CACNA1S: variants seen among roughly 807,000 people sequenced by gnomAD.
CACNA1S encodes calcium voltage-gated channel subunit alpha1 S, also known as voltage-dependent L-type calcium channel subunit alpha-1S.
A neutral mutation model predicts 207.4 loss-of-function variants in CACNA1S; 126 were observed. The observed-to-expected ratio is 0.61, with a 90% confidence interval of 0.53 to 0.70. The LOEUF (loss-of-function observed/expected upper bound fraction) is 0.70, where lower values mean the gene tolerates loss of function less well. CACNA1S is among the 30% of genes least tolerant of loss of function. CACNA1S has a pLI of 0.00. For synonymous variants in CACNA1S, 960 were observed against 932.7 expected (o/e 1.03, Z -0.53); for missense variants, 2,349 against 2,422.8 (o/e 0.97, Z 0.64).
intron 36 of CACNA1S, 28 bp from the exon 37 acceptor site, chr1:201,047,654 C>T (rs774922835): frequency 1.4e-6 from 2 of 1,467,662 alleles, no homozygotes; most frequent in Admixed American, 1.7e-5. Flanking sequence ...CAAAAGTTAC[C>T]CAGATCACAC....
chr1:201,076,084 C>A (rs913273191), intron 12 of CACNA1S, among the ~76,000 whole-genome samples: 3 of 152,102 alleles, frequency 2.0e-5, no homozygotes, highest in Non-Finnish European at 4.4e-5. Flanking sequence ...CAAAACAAAA[C>A]CCCTATCCCA....
chr1:201,086,709 C>CA (rs1340886197), intron 7 of CACNA1S, among the ~76,000 whole-genome samples: 2 of 152,150 alleles, frequency 1.3e-5, no homozygotes, highest in African/African-American at 4.8e-5. Flanking sequence ...GTTATCCATA[C>CA]AAAAAAATTG....
chr1:201,052,525 G>C lies in CACNA1S; in HGVS notation c.3953+32C>G, dbSNP rs756750200. ...AGAGCAAAGGCTGGACTGGTCAGCG[G>C]GGTAGGGGTGGGGGTGGCGGGAGAC... is the stretch of plus-strand genomic sequence containing the variant. On this transcript the variant is annotated intron_variant, in intron 32 of 43. Transcript: ENST00000362061. 4 of 1,536,026 alleles carry C rather than the reference G, an allele frequency of 2.6e-6. No homozygotes were observed. The African/African-American group carries it at 5.5e-5, about 21-fold the overall frequency.
intron 23 of CACNA1S, 142 bp from the exon 24 acceptor site, chr1:201,062,232 C>G: frequency 8.7e-7 from 1 of 1,144,628 alleles, no homozygotes; most frequent in Non-Finnish European, 1.3e-6. Context: ...CTGGGCGAGT[C>G]CGAGGAAAGG....
At chr1:201,107,154 A>G (rs1205243939) in intron 2 of CACNA1S, among the ~76,000 whole-genome samples, 1 of 152,230 alleles carries the variant, frequency 6.6e-6, no homozygotes, top group African/African-American at 2.4e-5. Context: ...TCACTTACAA[A>G]TCATAAATTC....
At chr1:201,044,819 G>A (rs10494827) in intron 38 of CACNA1S, among the ~76,000 whole-genome samples, 5 of 151,942 alleles carry the variant, frequency 3.3e-5, no homozygotes, top group Non-Finnish European at 7.4e-5. Flanking sequence ...GAACCGCTTC[G>A]TATGGCTTAC....
intron 2 of CACNA1S, among the ~76,000 whole-genome samples, chr1:201,104,389 G>A (rs2102182471): frequency 6.6e-6 from 1 of 152,320 alleles, no homozygotes; most frequent in Non-Finnish European, 1.5e-5. Flanking sequence ...GACCTAGGAG[G>A]GAATGTAACT....
chr1:201,048,863 C>T (rs1443735892), intron 35 of CACNA1S, 140 bp downstream of exon 35: 1 of 840,882 alleles, frequency 1.2e-6, no homozygotes. Flanking sequence ...GCTGAGACTT[C>T]AGGCCCTTTG....
chr1:201,077,842 C>G (rs747103445), intron 11 of CACNA1S, 37 bp downstream of exon 11: 3 of 1,485,290 alleles, frequency 2.0e-6, no homozygotes, highest in African/African-American at 1.4e-5. Context: ...TGGTGCCTGC[C>G]GGGGACCCGG....
chr1:201,087,811 C>A lies in CACNA1S; in HGVS notation c.1004+15G>T, dbSNP rs767409321. 1 of 1,563,906 alleles carries A rather than the reference C, an allele frequency of 6.4e-7. No individual in the cohort carries two copies. The highest frequency in any genetic ancestry group is 1.7e-4 in the Middle Eastern group (1 of 5,952). ...TCTTTCTCTTTTCTCCCCTGGCTACCTTTGAATTTCTTACCCACTCAGGAC... is the reference window on the plus strand; with the variant it reads ...TCTTTCTCTTTTCTCCCCTGGCTACATTTGAATTTCTTACCCACTCAGGAC... On this transcript the variant is annotated intron_variant, in intron 7 of 43. Transcript: ENST00000362061.
Position 201,050,362 on chromosome 1 carries a change from A to G in CACNA1S, c.4241+27T>C, listed in dbSNP as rs374768311. The G allele has an allele frequency of 2.6e-4, 413 of 1,613,738 alleles. 2 individuals carry two copies. In the South Asian group the frequency reaches 2.6e-3, roughly 10 times the overall value. Reference sequence around the variant, plus strand: ...AGGAAGGGTCTAGGATGGAGGGCCCAGCACAGAGCCTACAGATTGGACTCA... The same window carrying G: ...AGGAAGGGTCTAGGATGGAGGGCCCGGCACAGAGCCTACAGATTGGACTCA... On this transcript the variant is annotated intron_variant, in intron 34 of 43. Coordinates refer to ENST00000362061, the MANE Select transcript of CACNA1S (RefSeq NM_000069.3).
At chr1:201,108,290 C>T (rs545629406) in intron 2 of CACNA1S, among the ~76,000 whole-genome samples, 15 of 151,986 alleles carry the variant, frequency 9.9e-5, no homozygotes, top group African/African-American at 2.9e-4. Context: ...TTTGTAGAGA[C>T]GGGAGTCTCT....
intron 22 of CACNA1S, among the ~76,000 whole-genome samples, chr1:201,064,747 T>C (rs545888979): frequency 6.6e-6 from 1 of 152,198 alleles, no homozygotes; most frequent in South Asian, 2.1e-4. Context: ...AAATCAGGGT[T>C]TGTGTGAGGG....
chr1:201,086,259 G>A (rs913703987), intron 7 of CACNA1S, among the ~76,000 whole-genome samples: 2 of 152,256 alleles, frequency 1.3e-5, no homozygotes, highest in African/African-American at 4.8e-5. Flanking sequence ...TGACCAGTTT[G>A]TGCCATGGAC....
Position 201,077,993 on chromosome 1 carries a change from A to C in CACNA1S, c.1505T>G (p.Phe502Cys). Residue 502 changes from phenylalanine to cysteine, a missense_variant, in exon 11 of 44, where the codon TTC (phenylalanine) becomes TGC (cysteine). Phe to Cys is a radical substitution (Grantham distance 205, BLOSUM62 -2). Transcript: ENST00000362061. ...CTCCAGGATACCGCTACACACCACG[A>C]AGCAGTCGAAGCGGTTGAAGATAGA... Reference protein sequence around the residue: ...FMSIFNRFDCFVVCSGILEIL... With the variant: ...FMSIFNRFDCCVVCSGILEIL... 1 of 1,614,176 alleles carries C rather than the reference A, an allele frequency of 6.2e-7. No homozygotes were observed. Among genetic ancestry groups the C allele is most frequent in the Non-Finnish European group, 8.5e-7 (1 of 1,179,982 alleles).
At chr1:201,050,265 C>T (rs933809777) in intron 34 of CACNA1S, 124 bp downstream of exon 34, 13 of 1,063,406 alleles carry the variant, frequency 1.2e-5, no homozygotes, top group Non-Finnish European at 1.9e-5. Flanking sequence ...TCTGAGACCT[C>T]AGATAAATGA....
rs568310423 is a variant in CACNA1S, at chr1:201,058,742, G to T, written c.3526-251C>A. 1.1e-4 allele frequency among the ~76,000 whole-genome samples: 16 copies of T among 152,224 alleles called. 1 individual carries two copies. The highest frequency in any genetic ancestry group is 6.8e-3 in the Middle Eastern group (2 of 294). On this transcript the variant is annotated intron_variant, in intron 27 of 43. Transcript: ENST00000362061. ...TGGTGGGGGGGAGGGGAGAATTGTT[G>T]GGAACTCAGGATTTGGGGTCCTGGT...
At chr1:201,085,743 G>C (rs567656483) in intron 7 of CACNA1S, among the ~76,000 whole-genome samples, 162 bp from the exon 8 acceptor site, 3 of 152,080 alleles carry the variant, frequency 2.0e-5, no homozygotes, top group Admixed American at 6.5e-5. Context: ...AGGTGGCTGA[G>C]AGACAGCCCC....
At chr1:201,094,218 G>C (rs1662336708) in intron 2 of CACNA1S, among the ~76,000 whole-genome samples, 197 bp from the exon 3 acceptor site, 1 of 151,418 alleles carries the variant, frequency 6.6e-6, no homozygotes, top group Non-Finnish European at 1.5e-5. Context: ...ACTTTCCACA[G>C]GTCTTTACTC....
Sources: allele counts gnomAD v4.1 joint callset (sites outside exome capture counted in the v4.1 genomes callset), GRCh38; gene constraint gnomAD v4.1.1; transcripts MANE v1.5; gene names NCBI Gene and HGNC (gene_info 2026-07-23, HGNC 2026-07-21).